MAGI1: variants seen among roughly 807,000 people sequenced by gnomAD.
MAGI1 encodes the protein membrane-associated guanylate kinase, WW and PDZ domain-containing protein 1.
MAGI1 carries 58 observed loss-of-function variants against 139.9 expected under a neutral mutation model. That is an observed-to-expected ratio of 0.41 (90% CI 0.34 to 0.52). MAGI1 has a LOEUF of 0.52. Among genes scored for constraint, MAGI1 ranks in the 20% least tolerant of loss-of-function variants. The probability of loss-of-function intolerance (pLI) is 0.12; values close to 1 mark genes in which losing one functional copy is unlikely to be tolerated. For synonymous variants in MAGI1, 812 were observed against 737.9 expected, an observed-to-expected ratio of 1.10 and a Z score of -1.63; for missense variants, 1,874 against 1,901.6, an observed-to-expected ratio of 0.99 and a Z score of 0.27.
rs1231315251 is a variant in MAGI1 at position 66,038,180 on chromosome 3, G to T, written c.129C>A (p.Tyr43Ter). 1 of 1,612,032 alleles carries T rather than the reference G, an allele frequency of 6.2e-7. No homozygotes were observed. The highest frequency in any genetic ancestry group is 1.3e-5 in the African/African-American group (1 of 74,892). ...LGGAEHGEFP[Y>*]VGAVAAVEAA... The stretch of plus-strand genomic sequence containing the variant: ...CCTCGACCGCCGCCACCGCTCCGAC[G>T]TACGGAAACTCCCCGTGCTCCGCGC... The change falls in exon 1 of 23, where the codon TAC becomes TAA. Residue 43 changes from tyrosine to a stop codon, truncating the protein, a stop_gained. Transcript: ENST00000402939. LOFTEE classifies it high-confidence loss of function.
intron 2 of MAGI1, among the ~76,000 whole-genome samples, chr3:65,509,354 C>T (rs1378948355): frequency 6.6e-6 from 1 of 152,134 alleles, no homozygotes; most frequent in Non-Finnish European, 1.5e-5. Flanking sequence ...GCGTGAGCGA[C>T]GCAGAAGACG....
intron 1 of MAGI1, among the ~76,000 whole-genome samples, chr3:65,934,680 A>C (rs1319038159): frequency 6.7e-6 from 1 of 148,838 alleles, no homozygotes; most frequent in East Asian, 2.0e-4. Flanking sequence ...TTTAAGAAAA[A>C]GGCTCCCAAC....
intron 3 of MAGI1, among the ~76,000 whole-genome samples, chr3:65,485,012 A>T (rs1230956038): frequency 6.6e-6 from 1 of 152,186 alleles, no homozygotes; most frequent in Non-Finnish European, 1.5e-5. Context: ...GGCACATACC[A>T]TTACCCGGTA....
intron 13 of MAGI1, among the ~76,000 whole-genome samples, chr3:65,401,126 G>T (rs1944854397): frequency 6.6e-6 from 1 of 152,128 alleles, no homozygotes; most frequent in Non-Finnish European, 1.5e-5. Flanking sequence ...TGTATCAAGT[G>T]AAAACGGCTA....
In MAGI1 at chr3:65,589,846, A is replaced by AC. The variant is rs1314103515; in HGVS notation, c.430+32125_430+32126insG. 3.9e-5 allele frequency among the ~76,000 whole-genome samples: 6 copies of AC among 151,914 alleles called. No homozygotes were observed. In the South Asian group the frequency reaches 6.3e-4, roughly 16 times the overall value. On this transcript the variant is annotated intron_variant, in intron 2 of 22. Coordinates refer to ENST00000402939, the MANE Select transcript of MAGI1 (RefSeq NM_001033057.2). ...TTGCCAGGGTGGTTTTCAAAAAAAA[A>AC]AAAACAAATAGTACCATGTGACTCT...
At chr3:65,553,900 T>C (rs2079968729) in intron 2 of MAGI1, among the ~76,000 whole-genome samples, 2 of 152,218 alleles carry the variant, frequency 1.3e-5, no homozygotes, top group Admixed American at 6.5e-5. Context: ...AAACTGAGAA[T>C]ACTTTCCTCG....
chr3:65,805,776 T>C (rs1187195899), intron 1 of MAGI1, among the ~76,000 whole-genome samples: 3 of 152,204 alleles, frequency 2.0e-5, no homozygotes, highest in South Asian at 2.1e-4. Context: ...AACAAGATCA[T>C]GTCCTTTGGA....
intron 21 of MAGI1, among the ~76,000 whole-genome samples, chr3:65,362,410 T>C (rs1364705785): frequency 6.6e-6 from 1 of 152,170 alleles, no homozygotes; most frequent in Non-Finnish European, 1.5e-5. Flanking sequence ...TCCTTATATC[T>C]GAAATTTCAA....
At chr3:66,002,638 C>T (rs1346092462) in intron 1 of MAGI1, among the ~76,000 whole-genome samples, 4 of 152,108 alleles carry the variant, frequency 2.6e-5, no homozygotes, top group African/African-American at 9.7e-5. Flanking sequence ...CCTGAGCCTC[C>T]CGAGTAGCTG....
intron 2 of MAGI1, among the ~76,000 whole-genome samples, chr3:65,583,880 AAGATGAGAC>A (rs2081550902): frequency 2.6e-5 from 4 of 152,172 alleles, no homozygotes; most frequent in Non-Finnish European, 5.9e-5. Flanking sequence ...TTTCTCCCTG[AAGATGAGAC>A]TGTGACCTCT....
chr3:65,880,396 G>A (rs1236875374), intron 1 of MAGI1, among the ~76,000 whole-genome samples: 1 of 152,072 alleles, frequency 6.6e-6, no homozygotes, highest in Non-Finnish European at 1.5e-5. Flanking sequence ...ATGTCACTGT[G>A]GGCTAAATGG....
chr3:65,688,019 C>G (rs554757417), intron 1 of MAGI1: 8 of 836,600 alleles, frequency 9.6e-6, no homozygotes, highest in Non-Finnish European at 1.4e-5. Flanking sequence ...GGCTTTGAGC[C>G]CCTCACACCC....
At chr3:65,625,505 C>A (rs987610820) in intron 1 of MAGI1, among the ~76,000 whole-genome samples, 1 of 152,134 alleles carries the variant, frequency 6.6e-6, no homozygotes, top group Non-Finnish European at 1.5e-5. Context: ...ATCTCTGAAC[C>A]TTGCTTTCCT....
At chr3:65,599,223 T>C (rs1382972920) in intron 2 of MAGI1, among the ~76,000 whole-genome samples, 1 of 152,066 alleles carries the variant, frequency 6.6e-6, no homozygotes, top group Non-Finnish European at 1.5e-5. Flanking sequence ...GGGTGGATCA[T>C]AGGATGGCAA....
At chr3:65,612,032 G>C (rs540924045) in intron 2 of MAGI1, among the ~76,000 whole-genome samples, 1 of 151,994 alleles carries the variant, frequency 6.6e-6, no homozygotes, top group Admixed American at 6.6e-5. Flanking sequence ...TATCTTTCAG[G>C]CTAGTCTCTC....
chr3:65,545,028 C>T (rs368611427), intron 2 of MAGI1, among the ~76,000 whole-genome samples: 40 of 152,074 alleles, frequency 2.6e-4, no homozygotes, highest in Non-Finnish European at 5.0e-4. Flanking sequence ...CGGGCTGCAA[C>T]GGAAACTTGT....
intron 12 of MAGI1, among the ~76,000 whole-genome samples, chr3:65,425,454 G>T (rs547048136): frequency 6.6e-6 from 1 of 152,062 alleles, no homozygotes; most frequent in Non-Finnish European, 1.5e-5. Context: ...CAACAATAAG[G>T]TCATCCCTTG....
At chr3:65,667,658 A>T (rs1475786705) in intron 1 of MAGI1, among the ~76,000 whole-genome samples, 2 of 152,050 alleles carry the variant, frequency 1.3e-5, no homozygotes, top group Non-Finnish European at 2.9e-5. Flanking sequence ...TGCAGCCTCA[A>T]CCTCCTGGGC....
Position 65,803,552 on chromosome 3 carries a change from TG to T in MAGI1, c.314-181465del, listed in dbSNP as rs536885907. ...TCAGCAGGAAAAATAATTTCTTTTT[TG>T]TTTTAATTTTAGGTTCAGGGGTACA... On this transcript the variant is annotated intron_variant, in intron 1 of 22. Coordinates refer to ENST00000402939, the MANE Select transcript of MAGI1 (RefSeq NM_001033057.2). 6.4e-3 allele frequency among the ~76,000 whole-genome samples: 978 copies of T among 152,320 alleles called. 3 individuals carry two copies. Among genetic ancestry groups the T allele is most frequent in the Admixed American group, 0.013 (194 of 15,296 alleles).
Sources: allele counts gnomAD v4.1 joint callset (sites outside exome capture counted in the v4.1 genomes callset), GRCh38; gene constraint gnomAD v4.1.1; transcripts MANE v1.5; gene names NCBI Gene and HGNC (gene_info 2026-07-23, HGNC 2026-07-21).